The following PATL2 variants were observed in gnomAD, a reference collection of about 807,000 sequenced individuals.
PATL2 encodes PAT1 homolog 2.
PATL2 carries 73 observed loss-of-function variants against 77.0 expected under a neutral mutation model. The ratio of observed to expected loss-of-function variants is 0.95; its 90% CI spans 0.78 to 1.15. The LOEUF is 1.15. Among genes scored for constraint, PATL2 ranks in the 50% most tolerant of loss-of-function variants. PATL2 has a pLI of 0.00. For synonymous variants in PATL2, 265 were observed against 257.1 expected (o/e 1.03, Z -0.29); for missense variants, 618 against 655.4 (o/e 0.94, Z 0.62).
In PATL2 at chr15:44,672,098, T is replaced by C; in HGVS notation, c.574A>G (p.Arg192Gly). 2 of 1,551,744 alleles carry C rather than the reference T, an allele frequency of 1.3e-6. No homozygotes were observed. Among genetic ancestry groups the C allele is most frequent in the Non-Finnish European group, 1.7e-6 (2 of 1,147,006 alleles). Residue 192 changes from arginine (R) to glycine (G), a missense_variant, in exon 9 of 18, where the codon AGA (arginine) becomes GGA (glycine). Transcript: ENST00000682850. ...QPDPYANLMT[R>G]KEKDWVIKVQ... is the part of the protein sequence containing the mutation. ...TTTATCACCCAGTCCTTCTCTTTTC[T>C]GGTCATGAGGTTAGCATAGGGGTCT...
chr15:44,703,689 G>A lies in PATL2; in HGVS notation c.-76+6407C>T, dbSNP rs144266384. On this transcript the variant is annotated intron_variant, in intron 3 of 17. Transcript: ENST00000682850. ...CTATGTGTGTCTTTATGGGTGAAGT[G>A]TGCTCCTTGTAGGCAACAAATCACC... Among the ~76,000 whole-genome samples, 382 of 125,576 alleles carry A rather than the reference G, an allele frequency of 3.0e-3. 2 individuals carry two copies. Among genetic ancestry groups the A allele is most frequent in the African/African-American group, 0.012 (374 of 32,516 alleles). 82.4% of individuals were successfully genotyped at this position (125,576 alleles called of 152,430 possible).
chr15:44,689,477 A>G (rs939074609), intron 3 of PATL2, among the ~76,000 whole-genome samples: 2 of 152,222 alleles, frequency 1.3e-5, no homozygotes, highest in Non-Finnish European at 2.9e-5. Flanking sequence ...CCCATTAATG[A>G]TAGCCTGGAT....
intron 3 of PATL2, among the ~76,000 whole-genome samples, chr15:44,704,338 C>T (rs2086691310): frequency 6.6e-6 from 1 of 151,946 alleles, no homozygotes; most frequent in African/African-American, 2.4e-5. Context: ...TTTTTTATTT[C>T]AGGTTACCAT....
At chr15:44,675,369 G>T in intron 5 of PATL2, 117 bp downstream of exon 5, 1 of 1,192,550 alleles carries the variant, frequency 8.4e-7, no homozygotes, top group Non-Finnish European at 1.2e-6. Context: ...AAAAGAAAGT[G>T]TTAATCCAGA....
intron 3 of PATL2, among the ~76,000 whole-genome samples, chr15:44,679,275 G>C (rs746681042): frequency 2.0e-5 from 3 of 151,176 alleles, no homozygotes; most frequent in Non-Finnish European, 2.9e-5. Context: ...CTGTCAGCCA[G>C]GCTGGAGTGC....
In PATL2 at chr15:44,666,837, G is replaced by T. The variant is rs1342132142; in HGVS notation, c.1463+269C>A. The T allele has an allele frequency of 9.6e-6, 5 of 519,628 alleles. No homozygotes were observed. In the East Asian group the frequency reaches 1.3e-4, roughly 13 times the overall value. The allele number at this position is 519,628 out of a possible 1,614,324, so 32.2% of individuals were successfully genotyped here. A position where few individuals can be genotyped will look rare whatever the true frequency, so the allele number is the denominator to read the frequency against. ...AAAGAACTTGCCCTAAAGTTATATTGCTAGTAAGTGATACAGCCAGAATTC... is the reference window on the plus strand; with the variant it reads ...AAAGAACTTGCCCTAAAGTTATATTTCTAGTAAGTGATACAGCCAGAATTC... On this transcript the variant is annotated intron_variant, in intron 16 of 17. Transcript: ENST00000682850.
intron 3 of PATL2, among the ~76,000 whole-genome samples, chr15:44,706,649 G>C (rs1347129784): frequency 6.6e-6 from 1 of 152,206 alleles, no homozygotes; most frequent in Non-Finnish European, 1.5e-5. Context: ...AGTTGGGGGA[G>C]AAGTGACACA....
intron 3 of PATL2, among the ~76,000 whole-genome samples, chr15:44,687,412 T>C (rs577845808): frequency 2.0e-5 from 3 of 152,162 alleles, no homozygotes; most frequent in Non-Finnish European, 4.4e-5. Flanking sequence ...TATCTCAAAA[T>C]AATAAGAGCT....
chr15:44,681,314 C>T lies in PATL2; in HGVS notation c.-75-4749G>A, dbSNP rs546671132. Among the ~76,000 whole-genome samples, 6 of 152,326 alleles carry T rather than the reference C, an allele frequency of 3.9e-5. No individual in the cohort carries two copies. The East Asian group carries it at 5.8e-4, about 15-fold the overall frequency. The stretch of plus-strand genomic sequence containing the variant: ...GATTACAGATGTGAGCCACTTCTCT[C>T]GGCTGTGATTTCTTAACTGTAAGTG... On this transcript the variant is annotated intron_variant, in intron 3 of 17. Transcript: ENST00000682850.
intron 16 of PATL2, 31 bp from the exon 17 acceptor site, chr15:44,666,572 T>G: frequency 6.8e-7 from 1 of 1,478,294 alleles, no homozygotes; most frequent in Non-Finnish European, 9.0e-7. Context: ...TATAAGCAAA[T>G]AGATTTGCTT....
At chr15:44,687,765 A>ACAGAGAG (rs1157176993) in intron 3 of PATL2, among the ~76,000 whole-genome samples, 5 of 152,032 alleles carry the variant, frequency 3.3e-5, no homozygotes, top group Non-Finnish European at 1.5e-5. Context: ...CCAATAATAG[A>ACAGAGAG]CAGAGAGCAA....
At chr15:44,676,264 C>T (rs1239889699) in intron 4 of PATL2, 3 of 586,500 alleles carry the variant, frequency 5.1e-6, no homozygotes, top group East Asian at 5.9e-5. Context: ...TGAGGCTGTC[C>T]TGGGTTGTTG....
intron 3 of PATL2, among the ~76,000 whole-genome samples, chr15:44,683,673 C>T (rs2086186519): frequency 6.6e-6 from 1 of 152,232 alleles, no homozygotes; most frequent in South Asian, 2.1e-4. Flanking sequence ...ACAGCTTCAG[C>T]AGACTTAAAC....
intron 3 of PATL2, among the ~76,000 whole-genome samples, chr15:44,681,989 G>C (rs1209564921): frequency 6.6e-6 from 1 of 152,170 alleles, no homozygotes; most frequent in East Asian, 1.9e-4. Flanking sequence ...CGTAATCGCT[G>C]TGCACCAGGT....
In PATL2 at chr15:44,665,989, A is replaced by G. The variant is rs1385278284; in HGVS notation, c.1614-18T>C. 1.3e-6 allele frequency: 2 copies of G among 1,520,674 alleles called. No homozygotes were observed. Among genetic ancestry groups the G allele is most frequent in the Admixed American group, 2.3e-5 (1 of 42,908 alleles). 94.2% of individuals were successfully genotyped at this position (1,520,674 alleles called of 1,614,324 possible). On this transcript the variant is annotated intron_variant, in intron 17 of 17. Transcript: ENST00000682850. Reference sequence around the variant, plus strand: ...AGGCAAACCTATAAAGAGAACAGATATTAACTGCAAGCACAATTCTACTTT... The same window carrying G: ...AGGCAAACCTATAAAGAGAACAGATGTTAACTGCAAGCACAATTCTACTTT...
chr15:44,690,146 G>A (rs1025645325), intron 3 of PATL2, among the ~76,000 whole-genome samples: 2 of 152,014 alleles, frequency 1.3e-5, no homozygotes, highest in African/African-American at 4.8e-5. Context: ...CTGAGATAGC[G>A]CCATTGCACT....
At chr15:44,669,186 A>G in intron 13 of PATL2, 47 bp from the exon 14 acceptor site, 1 of 1,520,360 alleles carries the variant, frequency 6.6e-7, no homozygotes, top group Non-Finnish European at 8.9e-7. Flanking sequence ...CATAGAGGAG[A>G]GGGCTACATG....
Position 44,711,300 on chromosome 15 carries a change from G to T in PATL2, c.-534C>A, listed in dbSNP as rs1275671644. The T allele has an allele frequency of 1.7e-6, 1 of 604,280 alleles. No homozygotes were observed. Among genetic ancestry groups the T allele is most frequent in the Non-Finnish European group, 3.0e-6 (1 of 336,740 alleles). The allele number at this position is 604,280 out of a possible 1,614,324, so 37.4% of individuals were successfully genotyped here. On this transcript the variant is annotated 5_prime_UTR_variant, in exon 1 of 18. Coordinates refer to ENST00000682850, the MANE Select transcript of PATL2 (RefSeq NM_001387263.1). ...CAAGCTGGGGCGCGCACCCCAGATC[G>T]GAGGGCGCCGATGTACAGACAGCAA...
intron 10 of PATL2, 40 bp from the exon 11 acceptor site, chr15:44,669,914 A>G: frequency 6.5e-7 from 1 of 1,549,894 alleles, no homozygotes. Flanking sequence ...CCCCTCCCAC[A>G]CTCTGTCCAC....
Sources: allele counts gnomAD v4.1 joint callset (sites outside exome capture counted in the v4.1 genomes callset), GRCh38; gene constraint gnomAD v4.1.1; transcripts MANE v1.5; gene names NCBI Gene and HGNC (gene_info 2026-07-23, HGNC 2026-07-21).